Variants in MRPS30 observed in about 807,000 individuals in gnomAD.
MRPS30 encodes large ribosomal subunit protein mL65.
In MRPS30, 42 loss-of-function variants were observed where a neutral mutation model predicts 43.8. The ratio of observed to expected loss-of-function variants is 0.96; its 90% CI spans 0.75 to 1.24. The LOEUF (loss-of-function observed/expected upper bound fraction) is 1.24. Among genes scored for constraint, MRPS30 ranks in the 50% most tolerant of loss-of-function variants. MRPS30 has a pLI of 0.00. For missense variants in MRPS30, 638 were observed against 570.0 expected (o/e 1.12, Z -1.22); for synonymous variants, 273 against 228.2 (o/e 1.20, Z -1.77).
intron 2 of MRPS30, among the ~76,000 whole-genome samples, chr5:44,811,558 T>TTTTGAGTATTGTCTATGC (rs1742839486): frequency 6.6e-6 from 1 of 152,214 alleles, no homozygotes; most frequent in Non-Finnish European, 1.5e-5. Flanking sequence ...AACAAGGATA[T>TTTTGAGTATTGTCTATGC]TTTGAGTATT....
Position 44,814,940 on chromosome 5 carries a change from G to A in MRPS30, c.1058G>A (p.Arg353Gln). The A allele has an allele frequency of 3.1e-6, 5 of 1,611,920 alleles. No homozygotes were observed. Among genetic ancestry groups the A allele is most frequent in the Non-Finnish European group, 4.2e-6 (5 of 1,179,028 alleles). ...QGFWSEADVT[R>Q]PFVSQAVITD... ...TTCTGGAGTGAAGCAGATGTTACTC[G>A]ACCTTTTGTCTCCCAGGCTGTGATC... is the stretch of plus-strand genomic sequence containing the variant. The change falls in exon 5 of 5, where the codon CGA becomes CAA. Residue 353 changes from arginine (R) to glutamine (Q), a missense_variant. Transcript: ENST00000507110.
At chr5:44,812,998 GA>G (rs1184719029) in intron 3 of MRPS30, 107 bp from the exon 4 acceptor site, 6 of 927,072 alleles carry the variant, frequency 6.5e-6, no homozygotes, top group African/African-American at 5.2e-5. Flanking sequence ...TTAGAGTACT[GA>G]GAATATGATG....
In MRPS30 at chr5:44,812,911, A is replaced by G. The variant is rs16901975; in HGVS notation, c.854-195A>G. On this transcript the variant is annotated intron_variant, in intron 3 of 4. Coordinates refer to ENST00000507110, the MANE Select transcript of MRPS30 (RefSeq NM_016640.4). The stretch of plus-strand genomic sequence containing the variant: ...TTTATGATAGCTAGCAGATTGAGAA[A>G]TTATGCTTTCCTGTGAAATTTAATT... Among the ~76,000 whole-genome samples, 1,296 of 152,254 alleles carry G rather than the reference A, an allele frequency of 8.5e-3. 21 individuals are homozygous for G. Among genetic ancestry groups the G allele is most frequent in the African/African-American group, 0.029 (1,220 of 41,548 alleles).
In MRPS30 at chr5:44,813,112, A is replaced by G. The variant is rs1742869069; in HGVS notation, c.860A>G (p.Lys287Arg). Residue 287 changes from lysine (K) to arginine (R), a missense_variant, in exon 4 of 5, where the codon AAA becomes AGA. Transcript: ENST00000507110. ...QYENHIFVGS[K>R]TADPCCYGHT... Reference sequence around the variant, plus strand: ...TTTTTATTTTGCTCTTCAGGCTCAAAAACTGCAGATCCTTGCTGTTACGGT... The same window carrying G: ...TTTTTATTTTGCTCTTCAGGCTCAAGAACTGCAGATCCTTGCTGTTACGGT... The G allele has an allele frequency of 1.2e-6, 2 of 1,610,522 alleles. No individual in the cohort carries two copies. The highest frequency in any genetic ancestry group is 1.7e-6 in the Non-Finnish European group (2 of 1,178,960).
In MRPS30 at chr5:44,811,098, T is replaced by C; in HGVS notation, c.691T>C (p.Tyr231His). 6.2e-7 allele frequency: 1 copy of C among 1,614,096 alleles called. No homozygotes were observed. The highest frequency in any genetic ancestry group is 8.5e-7 in the Non-Finnish European group (1 of 1,179,966). Residue 231 changes from tyrosine to histidine, a missense_variant, in exon 2 of 5, where the codon TAC (tyrosine) becomes CAC (histidine). Transcript: ENST00000507110. The part of the protein sequence containing the change: ...HRRGRIDDLR[Y>H]QIDDKPNNQI... ...AAGAGGTCGAATTGATGACTTGCGATACCAGATAGATGATAAACCAAACAA... is the reference window on the plus strand; with the variant it reads ...AAGAGGTCGAATTGATGACTTGCGACACCAGATAGATGATAAACCAAACAA...
At chr5:44,811,809 C>A in intron 2 of MRPS30, 106 bp from the exon 3 acceptor site, 2 of 705,916 alleles carry the variant, frequency 2.8e-6, no homozygotes, top group Non-Finnish European at 4.5e-6. Flanking sequence ...ATTATCAAAT[C>A]ATTTTGTGAA....
Position 44,813,233 on chromosome 5 carries a change from T to A in MRPS30, c.981T>A (p.Asn327Lys). ...ADQIEVVFRA[N>K]AIASLFAWTG... ...AGATAGAAGTTGTTTTTAGAGCTAA[T>A]GCTATTGCAAGCCTTTTTGCTTGGA... Residue 327 changes from asparagine (N) to lysine (K), a missense_variant, in exon 4 of 5, where the codon AAT (asparagine) becomes AAA (lysine). Physicochemically the swap from Asn to Lys is moderately conservative, Grantham distance 94 (BLOSUM62 0). Transcript: ENST00000507110. The A allele has an allele frequency of 6.2e-7, 1 of 1,611,658 alleles. No individual in the cohort carries two copies. The highest frequency in any genetic ancestry group is 8.5e-7 in the Non-Finnish European group (1 of 1,179,108).
At chr5:44,812,119 C>G in intron 3 of MRPS30, 99 bp downstream of exon 3, 1 of 795,832 alleles carries the variant, frequency 1.3e-6, no homozygotes, top group South Asian at 2.0e-5. Context: ...TCTCGAAGAC[C>G]GAGAGGTTTA....
intron 4 of MRPS30, 57 bp from the exon 5 acceptor site, chr5:44,814,855 GT>G (rs1742893369): frequency 6.8e-7 from 1 of 1,461,486 alleles, no homozygotes; most frequent in African/African-American, 1.4e-5. Context: ...TAATGTGATT[GT>G]TTTGTTTGGG....
intron 1 of MRPS30, chr5:44,809,822 A>T (rs1742800451): frequency 2.1e-6 from 1 of 470,176 alleles, no homozygotes; most frequent in African/African-American, 2.0e-5. Flanking sequence ...CCAGTCCTGG[A>T]TTCTACTTTG....
In MRPS30 at chr5:44,809,327, C is replaced by T. The variant is rs1269640143; in HGVS notation, c.365C>T (p.Pro122Leu). Residue 122 changes from proline to leucine, a missense_variant, in exon 1 of 5, where the codon CCA (proline) becomes CTA (leucine). Coordinates refer to ENST00000507110, the MANE Select transcript of MRPS30 (RefSeq NM_016640.4). Reference sequence around the variant, plus strand: ...TTCCTGTCGGGTCTGCCGCCGCCCCCAGCGGAGCCCGAGCCCGAGCCCGAA... The same window carrying T: ...TTCCTGTCGGGTCTGCCGCCGCCCCTAGCGGAGCCCGAGCCCGAGCCCGAA... ...TVFLSGLPPP[P>L]AEPEPEPEPE... The T allele has an allele frequency of 1.2e-6, 2 of 1,610,118 alleles. No homozygotes were observed. The highest frequency in any genetic ancestry group is 2.2e-5 in the East Asian group (1 of 44,728).
intron 3 of MRPS30, 29 bp downstream of exon 3, chr5:44,812,049 A>G (rs1214629977): frequency 1.4e-6 from 2 of 1,466,262 alleles, no homozygotes; most frequent in South Asian, 1.2e-5. Context: ...ATATTGTACC[A>G]TAAATGTGTT....
intron 3 of MRPS30, among the ~76,000 whole-genome samples, chr5:44,812,603 A>G (rs1326139772): frequency 6.6e-6 from 1 of 151,846 alleles, no homozygotes; most frequent in African/African-American, 2.4e-5. Context: ...AAAGACTACC[A>G]CTAGAATCAA....
At chr5:44,814,825 A>G (rs1742892596) in intron 4 of MRPS30, 88 bp from the exon 5 acceptor site, 1 of 1,238,076 alleles carries the variant, frequency 8.1e-7, no homozygotes, top group Non-Finnish European at 1.1e-6. Flanking sequence ...TGTAGGAGGT[A>G]TTTGATACCC....
At chr5:44,810,451 G>T (rs1443858527) in intron 1 of MRPS30, among the ~76,000 whole-genome samples, 1 of 152,162 alleles carries the variant, frequency 6.6e-6, no homozygotes, top group African/African-American at 2.4e-5. Flanking sequence ...TCTACCAAGT[G>T]TATGTCTTAA....
intron 3 of MRPS30, 101 bp downstream of exon 3, chr5:44,812,121 A>G (rs887956034): frequency 1.3e-6 from 1 of 760,344 alleles, no homozygotes; most frequent in South Asian, 2.0e-5. Context: ...TCGAAGACCG[A>G]GAGGTTTACA....
intron 1 of MRPS30, 59 bp from the exon 2 acceptor site, chr5:44,810,950 T>G (rs1374539274): frequency 6.7e-7 from 1 of 1,496,684 alleles, no homozygotes; most frequent in African/African-American, 1.4e-5. Flanking sequence ...AGTGTTCTAA[T>G]AGTAACCAAA....
At chr5:44,814,674 T>C (rs1742891121) in intron 4 of MRPS30, among the ~76,000 whole-genome samples, 1 of 152,146 alleles carries the variant, frequency 6.6e-6, no homozygotes, top group Non-Finnish European at 1.5e-5. Flanking sequence ...ACTGATGTTG[T>C]TGAAAAAGAT....
rs1466805486 is a variant in MRPS30 at position 44,809,471 on chromosome 5, A to AG, written c.511dup (p.Val171GlyfsTer33). ...CGCGTGCACCGTTACGAGGAGAGCG[A>AG]GGTCATATCTTTGCCCTTCCTGGAT... On this transcript the variant is annotated frameshift_variant, in exon 1 of 5. Coordinates refer to ENST00000507110, the MANE Select transcript of MRPS30 (RefSeq NM_016640.4). LOFTEE classifies it high-confidence loss of function. The AG allele has an allele frequency of 6.2e-7, 1 of 1,613,944 alleles. No individual in the cohort carries two copies. The highest frequency in any genetic ancestry group is 2.2e-5 in the East Asian group (1 of 44,856).
Sources: allele counts gnomAD v4.1 joint callset (sites outside exome capture counted in the v4.1 genomes callset), GRCh38; gene constraint gnomAD v4.1.1; transcripts MANE v1.5; gene names NCBI Gene and HGNC (gene_info 2026-07-23, HGNC 2026-07-21).